ESR1: variants seen among roughly 807,000 people sequenced by gnomAD.
The protein encoded by ESR1 is estrogen receptor 1, also known as estrogen receptor.
In ESR1, 12 loss-of-function variants were observed where a neutral mutation model predicts 52.7. That is an observed-to-expected ratio of 0.23 (90% CI 0.15 to 0.37). The LOEUF (loss-of-function observed/expected upper bound fraction) is 0.37, where lower values mean the gene tolerates loss of function less well. Among genes scored for constraint, ESR1 ranks in the 10% least tolerant of loss-of-function variants. ESR1 has a pLI of 1.00. For missense variants in ESR1, 584 were observed against 779.7 expected (o/e 0.75, Z 2.99); for synonymous variants, 305 against 316.8 (o/e 0.96, Z 0.39).
intron 2 of ESR1, among the ~76,000 whole-genome samples, chr6:151,861,744 G>A (rs1239120093): frequency 6.6e-6 from 1 of 152,064 alleles, no homozygotes; most frequent in African/African-American, 2.4e-5. Flanking sequence ...TCAGAGGCTT[G>A]AGTAAATGGC....
chr6:152,001,005 T>C (rs1027123971), intron 4 of ESR1, among the ~76,000 whole-genome samples: 2 of 152,026 alleles, frequency 1.3e-5, no homozygotes, highest in African/African-American at 4.8e-5. Context: ...GTAGTTCCTG[T>C]TGTAATCCTT....
intron 1 of ESR1, among the ~76,000 whole-genome samples, chr6:151,662,680 G>T (rs773579369): frequency 2.6e-5 from 4 of 152,228 alleles, no homozygotes; most frequent in Non-Finnish European, 5.9e-5. Flanking sequence ...CCATGAGGAA[G>T]TTCTGGGAGG....
In ESR1 at chr6:152,046,782, T is replaced by C. The variant is rs948753100; in HGVS notation, c.1236-14209T>C. ...GGCCTTGTTTGTGAACTGGCTTCCATGGATAGCATTACTCTCCTGACAGCT... is the reference window on the plus strand; with the variant it reads ...GGCCTTGTTTGTGAACTGGCTTCCACGGATAGCATTACTCTCCTGACAGCT... On this transcript the variant is annotated intron_variant, in intron 5 of 7. Transcript: ENST00000206249. 1.5e-4 allele frequency among the ~76,000 whole-genome samples: 23 copies of C among 152,338 alleles called. 2 individuals are homozygous for C. Among genetic ancestry groups the C allele is most frequent in the Admixed American group, 1.2e-3 (19 of 15,300 alleles).
intron 2 of ESR1, among the ~76,000 whole-genome samples, chr6:151,720,779 A>G (rs1781398381): frequency 6.6e-6 from 1 of 152,234 alleles, no homozygotes; most frequent in African/African-American, 2.4e-5. Context: ...TAGGTTGTCT[A>G]ACATACATTT....
intron 2 of ESR1, among the ~76,000 whole-genome samples, chr6:151,729,320 AGAACCAT>A (rs138887177): frequency 0.02 from 3,008 of 152,328 alleles, 36 homozygotes; most frequent in East Asian, 0.03. Flanking sequence ...CCCAGCCTCC[AGAACCAT>A]GAGAAGTAAA....
intron 2 of ESR1, among the ~76,000 whole-genome samples, chr6:151,702,188 T>C (rs1779847727): frequency 6.6e-6 from 1 of 152,100 alleles, no homozygotes; most frequent in African/African-American, 2.4e-5. Context: ...ATGCGTTGCT[T>C]AGGTTGAAAT....
intron 1 of ESR1, among the ~76,000 whole-genome samples, chr6:151,819,783 C>G (rs572280079): frequency 6.6e-6 from 1 of 152,326 alleles, no homozygotes; most frequent in Non-Finnish European, 1.5e-5. Flanking sequence ...CCAGTTCCAT[C>G]TGTGGAAAAA....
chr6:151,972,874 A>G (rs1584563757), intron 4 of ESR1, among the ~76,000 whole-genome samples: 1 of 152,332 alleles, frequency 6.6e-6, no homozygotes, highest in African/African-American at 2.4e-5. Flanking sequence ...GGTTGAAGGT[A>G]TAAGAGTCCC....
chr6:152,085,677 G>T (rs1039268904), intron 6 of ESR1, among the ~76,000 whole-genome samples: 23 of 152,028 alleles, frequency 1.5e-4, no homozygotes, highest in Non-Finnish European at 3.1e-4. Flanking sequence ...AGTGGCGAGG[G>T]CTCCAGAAGC....
intron 4 of ESR1, among the ~76,000 whole-genome samples, chr6:151,977,542 C>A (rs1031359219): frequency 6.6e-6 from 1 of 151,832 alleles, no homozygotes; most frequent in Admixed American, 6.6e-5. Flanking sequence ...CCCCTGTAAT[C>A]CCAGCACTTT....
chr6:151,722,642 A>T (rs1046247487), intron 2 of ESR1, among the ~76,000 whole-genome samples: 2 of 152,240 alleles, frequency 1.3e-5, no homozygotes, highest in African/African-American at 4.8e-5. Flanking sequence ...CTGGGGCAAA[A>T]TCCTATTAAA....
At chr6:151,695,676 A>G (rs1029685376) in intron 1 of ESR1, among the ~76,000 whole-genome samples, 15 of 152,214 alleles carry the variant, frequency 9.9e-5, no homozygotes, top group African/African-American at 3.6e-4. Context: ...AACGTTACTA[A>G]GGACACCAAG....
chr6:151,670,762 GTTTTTTTTTTT>G (rs35606990), intron 1 of ESR1, among the ~76,000 whole-genome samples: 9 of 85,782 alleles, frequency 1.0e-4, no homozygotes, highest in African/African-American at 3.0e-4. Flanking sequence ...TTTTGTTTTC[GTTTTTTTTTTT>G]TTTTTTTTTT....
chr6:151,829,027 C>T (rs1241831272), intron 1 of ESR1, among the ~76,000 whole-genome samples: 1 of 152,216 alleles, frequency 6.6e-6, no homozygotes, highest in Admixed American at 6.5e-5. Context: ...AGCATCTGCT[C>T]AGAGATGTCA....
Position 151,944,494 on chromosome 6 carries a change from C to T in ESR1, c.1082C>T (p.Ala361Val), listed in dbSNP as rs2035470957. 4 of 1,613,934 alleles carry T rather than the reference C, an allele frequency of 2.5e-6. No individual in the cohort carries two copies. The highest frequency in any genetic ancestry group is 1.7e-6 in the Non-Finnish European group (2 of 1,179,994). Residue 361 changes from alanine (A) to valine (V), a missense_variant, in exon 4 of 8, where the codon GCG becomes GTG. By Grantham distance (64) the Ala-to-Val change is moderately conservative (BLOSUM62 0). Coordinates refer to ENST00000206249, the MANE Select transcript of ESR1 (RefSeq NM_000125.4). ...GAGCTGGTTCACATGATCAACTGGGCGAAGAGGGTGCCAGGTAAGAATGCG... is the reference window on the plus strand; with the variant it reads ...GAGCTGGTTCACATGATCAACTGGGTGAAGAGGGTGCCAGGTAAGAATGCG... Reference protein sequence around the residue: ...DRELVHMINWAKRVPGFVDLT... With the variant: ...DRELVHMINWVKRVPGFVDLT...
chr6:152,009,213 C>T (rs1179450184), intron 4 of ESR1, among the ~76,000 whole-genome samples: 1 of 152,072 alleles, frequency 6.6e-6, no homozygotes, highest in Non-Finnish European at 1.5e-5. Flanking sequence ...ATGCCAAGTC[C>T]TTCTTTACAT....
chr6:151,931,787 A>AT (rs2033655162), intron 3 of ESR1, among the ~76,000 whole-genome samples: 1 of 145,202 alleles, frequency 6.9e-6, no homozygotes, highest in Non-Finnish European at 1.5e-5. Context: ...TGAACTCATC[A>AT]TTTTTTATGG....
intron 2 of ESR1, among the ~76,000 whole-genome samples, chr6:151,772,377 A>G (rs1372029780): frequency 6.6e-6 from 1 of 152,198 alleles, no homozygotes. Flanking sequence ...ATTGCCAATA[A>G]CTTCAGTAAT....
intron 6 of ESR1, among the ~76,000 whole-genome samples, chr6:152,088,834 C>A (rs146421708): frequency 6.6e-6 from 1 of 151,934 alleles, no homozygotes; most frequent in Non-Finnish European, 1.5e-5. Flanking sequence ...CTAAAACACA[C>A]GCCAAGAAAA....
Sources: allele counts gnomAD v4.1 joint callset (sites outside exome capture counted in the v4.1 genomes callset), GRCh38; gene constraint gnomAD v4.1.1; transcripts MANE v1.5; gene names NCBI Gene and HGNC (gene_info 2026-07-23, HGNC 2026-07-21).